FAM107B: variants seen among roughly 807,000 people sequenced by gnomAD.
FAM107B encodes family with sequence similarity 107 member B, also known as protein FAM107B.
In FAM107B, 21 loss-of-function variants were observed where a neutral mutation model predicts 31.5. That is an observed-to-expected ratio of 0.67 (90% confidence interval 0.47 to 0.96). The LOEUF (loss-of-function observed/expected upper bound fraction) is 0.96, where lower values mean the gene tolerates loss of function less well. Among genes scored for constraint, FAM107B ranks in the 40% least tolerant of loss-of-function variants. The pLI, the probability that FAM107B is intolerant of heterozygous loss-of-function variation, is 0.00. For missense variants in FAM107B, 452 were observed against 377.1 expected, an observed-to-expected ratio of 1.20 and a Z score of -1.64; for synonymous variants, 157 against 141.5, an observed-to-expected ratio of 1.11 and a Z score of -0.78.
chr10:14,752,916 A>G (rs1832857940), intron 1 of FAM107B, among the ~76,000 whole-genome samples: 1 of 141,450 alleles, frequency 7.1e-6, no homozygotes. Context: ...TGGGCAACAG[A>G]GCAAGACCCT....
intron 1 of FAM107B, among the ~76,000 whole-genome samples, chr10:14,683,048 A>G (rs1007033350): frequency 6.6e-6 from 1 of 152,180 alleles, no homozygotes. Flanking sequence ...CCATTACACA[A>G]TGTGGGACTG....
intron 2 of FAM107B, among the ~76,000 whole-genome samples, chr10:14,562,427 T>C (rs940434804): frequency 3.3e-5 from 5 of 152,242 alleles, no homozygotes; most frequent in African/African-American, 1.2e-4. Context: ...CTTCAAGCTT[T>C]ACTACAAGTG....
At position 14,637,340 on chromosome 10, in the gene FAM107B, C is replaced by T. The variant is rs1039503430; in HGVS notation, c.469+30294G>A. ...GCAGGACCTGTAACTTGACTCTAAC[C>T]AATAGAATATGAGACCAGCTGCAGT... On this transcript the variant is annotated intron_variant, in intron 2 of 4. Coordinates refer to ENST00000181796, the MANE Select transcript of FAM107B (RefSeq NM_031453.4). 2.0e-5 allele frequency among the ~76,000 whole-genome samples: 3 copies of T among 152,182 alleles called. No individual in the cohort carries two copies. The East Asian group carries it at 5.8e-4, about 29-fold the overall frequency.
At chr10:14,706,231 C>A (rs949200790) in intron 1 of FAM107B, among the ~76,000 whole-genome samples, 3 of 152,140 alleles carry the variant, frequency 2.0e-5, no homozygotes, top group African/African-American at 7.2e-5. Flanking sequence ...TTTTAAGAGA[C>A]AGGGTCTCAC....
At chr10:14,677,234 G>A (rs760780798) in intron 1 of FAM107B, among the ~76,000 whole-genome samples, 4 of 152,112 alleles carry the variant, frequency 2.6e-5, no homozygotes, top group Non-Finnish European at 4.4e-5. Context: ...ACAAAAAGGA[G>A]ATTCAAACCC....
chr10:14,769,678 G>A (rs531665883), intron 1 of FAM107B, among the ~76,000 whole-genome samples: 97 of 152,252 alleles, frequency 6.4e-4, no homozygotes, highest in South Asian at 4.8e-3. Context: ...GAGCCACCGC[G>A]CCCGGCCACA....
At chr10:14,628,091 T>G (rs1033343795) in intron 2 of FAM107B, among the ~76,000 whole-genome samples, 4 of 149,982 alleles carry the variant, frequency 2.7e-5, no homozygotes, top group Middle Eastern at 3.4e-3. Context: ...TTTGTTTCCT[T>G]GTTTGTTTTT....
At chr10:14,585,940 A>G (rs1851811874) in intron 2 of FAM107B, among the ~76,000 whole-genome samples, 1 of 151,760 alleles carries the variant, frequency 6.6e-6, no homozygotes, top group African/African-American at 2.4e-5. Context: ...CAGGAAATGC[A>G]CTCTCCCTGC....
chr10:14,764,362 C>T (rs1253786688), intron 1 of FAM107B, among the ~76,000 whole-genome samples: 1 of 152,178 alleles, frequency 6.6e-6, no homozygotes, highest in Non-Finnish European at 1.5e-5. Context: ...TCAAATCCTG[C>T]CTATGTGCTT....
At chr10:14,706,014 C>A (rs772872321) in intron 1 of FAM107B, among the ~76,000 whole-genome samples, 1 of 152,156 alleles carries the variant, frequency 6.6e-6, no homozygotes, top group African/African-American at 2.4e-5. Flanking sequence ...TAGGAGCTAT[C>A]AGGCAAATTA....
chr10:14,702,628 G>A (rs923448143), intron 1 of FAM107B, among the ~76,000 whole-genome samples: 1 of 152,160 alleles, frequency 6.6e-6, no homozygotes, highest in Non-Finnish European at 1.5e-5. Flanking sequence ...GGGATTACAG[G>A]CATGAGCTGC....
At chr10:14,550,108 G>A (rs956840202) in intron 2 of FAM107B, among the ~76,000 whole-genome samples, 1 of 152,204 alleles carries the variant, frequency 6.6e-6, no homozygotes, top group Non-Finnish European at 1.5e-5. Flanking sequence ...TTTTAGTGAT[G>A]AGGAACAGAG....
chr10:14,709,939 A>G (rs953115409), intron 1 of FAM107B, among the ~76,000 whole-genome samples: 12 of 152,336 alleles, frequency 7.9e-5, no homozygotes, highest in African/African-American at 2.4e-4. Context: ...AGAAAAGAAT[A>G]AAACAGAGCA....
At chr10:14,700,649 C>T (rs1176398213) in intron 1 of FAM107B, among the ~76,000 whole-genome samples, 1 of 151,974 alleles carries the variant, frequency 6.6e-6, no homozygotes, top group Non-Finnish European at 1.5e-5. Context: ...TCTGCTGCAA[C>T]TCCCTCTACA....
At chr10:14,650,746 C>G (rs1853877572) in intron 2 of FAM107B, among the ~76,000 whole-genome samples, 1 of 152,210 alleles carries the variant, frequency 6.6e-6, no homozygotes, top group Non-Finnish European at 1.5e-5. Flanking sequence ...CTTCTTTCTA[C>G]ACAGCATTAA....
At chr10:14,750,599 G>A (rs1311147633) in intron 1 of FAM107B, among the ~76,000 whole-genome samples, 1 of 152,132 alleles carries the variant, frequency 6.6e-6, no homozygotes, top group African/African-American at 2.4e-5. Context: ...GCAACAGAGT[G>A]AGACTCTGTC....
chr10:14,748,796 A>G (rs1016620166), intron 1 of FAM107B, among the ~76,000 whole-genome samples: 2 of 152,212 alleles, frequency 1.3e-5, no homozygotes, highest in African/African-American at 4.8e-5. Context: ...GCTTGCAACT[A>G]CAAACCCTGA....
At chr10:14,556,539 C>T in intron 2 of FAM107B, 1 of 356,080 alleles carries the variant, frequency 2.8e-6, no homozygotes, top group Non-Finnish European at 3.9e-6. Context: ...AACGTTTAGA[C>T]TTGACTGACA....
At chr10:14,703,496 T>C (rs1229908270) in intron 1 of FAM107B, among the ~76,000 whole-genome samples, 3 of 151,832 alleles carry the variant, frequency 2.0e-5, no homozygotes, top group Non-Finnish European at 4.4e-5. Context: ...TCATCACCCC[T>C]GCTAATTTTT....
Sources: allele counts gnomAD v4.1 joint callset (sites outside exome capture counted in the v4.1 genomes callset), GRCh38; gene constraint gnomAD v4.1.1; transcripts MANE v1.5; gene names NCBI Gene and HGNC (gene_info 2026-07-23, HGNC 2026-07-21).